Variants in PRB2 observed in about 807,000 individuals in gnomAD.
PRB2 encodes the protein basic salivary proline-rich protein 2.
PRB2 carries 12 observed loss-of-function variants against 8.3 expected under a neutral mutation model. The ratio of observed to expected loss-of-function variants is 1.45; its 90% CI spans 0.93 to 2.35. The LOEUF is 2.35. Among genes scored for constraint, PRB2 ranks in the 30% most tolerant of loss-of-function variants. The pLI is 0.00. For missense variants in PRB2, 470 were observed against 507.0 expected, an observed-to-expected ratio of 0.93 and a Z score of 0.70; for synonymous variants, 146 against 180.0, an observed-to-expected ratio of 0.81 and a Z score of 1.51.
chr12:11,392,059 A>G (rs1470886483), intron 3 of PRB2, among the ~76,000 whole-genome samples: 10 of 62,930 alleles, frequency 1.6e-4, no homozygotes, highest in Non-Finnish European at 2.7e-4. Flanking sequence ...AAACAAACAG[A>G]TAACCACTGA....
At chr12:11,394,040 T>G (rs1864368198) in intron 2 of PRB2, 63 bp from the exon 3 acceptor site, 1 of 1,603,258 alleles carries the variant, frequency 6.2e-7, no homozygotes, top group Admixed American at 1.7e-5. Flanking sequence ...CCTGAATAGT[T>G]GCAGTAAATT....
intron 1 of PRB2, among the ~76,000 whole-genome samples, chr12:11,394,920 C>A (rs1295156011): frequency 2.0e-5 from 3 of 152,064 alleles, no homozygotes; most frequent in African/African-American, 7.3e-5. Context: ...CATTTCAATA[C>A]AATCTTACCC....
chr12:11,394,473 T>A, intron 2 of PRB2, 22 bp downstream of exon 2: 3 of 1,610,830 alleles, frequency 1.9e-6, no homozygotes, highest in Non-Finnish European at 2.5e-6. Flanking sequence ...TCAGAACAGA[T>A]TGAGAATGAA....
At chr12:11,395,285 G>C (rs1864391730) in intron 1 of PRB2, among the ~76,000 whole-genome samples, 181 bp downstream of exon 1, 1 of 152,032 alleles carries the variant, frequency 6.6e-6, no homozygotes, top group Non-Finnish European at 1.5e-5. Context: ...GGATTTCATT[G>C]TACATTAAAT....
Position 11,393,139 on chromosome 12 carries a change from G to A in PRB2, c.939C>T (p.Asn313=), listed in dbSNP as rs779009666. 4.4e-6 allele frequency: 7 copies of A among 1,594,928 alleles called. No individual in the cohort carries two copies. The East Asian group carries it at 1.6e-4, about 36-fold the overall frequency. The change falls in exon 3 of 4, where the codon AAC becomes AAT. Residue 313 remains asparagine, a synonymous_variant. Coordinates refer to ENST00000389362, the MANE Select transcript of PRB2 (RefSeq NM_006248.4). ...GAGGAGGTGGGGGACCTTGAGGCTG[G>A]TTGCCTCCTTGTGGGGGTGGTCCTT... The part of the protein sequence containing the change: ...KPQGPPPQGG[N]QPQGPPPPPG...
At position 11,393,714 on chromosome 12, in the gene PRB2, G is replaced by T; in HGVS notation, c.364C>A (p.Pro122Thr). 1 of 1,600,416 alleles carries T rather than the reference G, an allele frequency of 6.2e-7. No individual in the cohort carries two copies. The highest frequency in any genetic ancestry group is 8.5e-7 in the Non-Finnish European group (1 of 1,173,274). The change falls in exon 3 of 4, where the codon CCC becomes ACC. Residue 122 changes from proline (P) to threonine (T), a missense_variant. Pro to Thr is a conservative substitution (Grantham distance 38). Around this residue, in one of 4 missense-constraint regions of PRB2, gnomAD observed 211 missense variants for 207.7 expected, o/e 1.02. Transcript: ENST00000389362. ...TGAGGCTGGTTGCCTCCTTGTGGGG[G>T]TGGTCCTTGTGGCTTTCCTGGAGGA... ...RSPPGKPQGP[P>T]PQGGNQPQGP...
Position 11,392,990 on chromosome 12 carries a change from G to A in PRB2, c.1088C>T (p.Pro363Leu). 6.2e-7 allele frequency: 1 copy of A among 1,612,904 alleles called. No individual in the cohort carries two copies. The highest frequency in any genetic ancestry group is 8.5e-7 in the Non-Finnish European group (1 of 1,179,700). ...GSKSRSARSP[P>L]GKPQGPPQQE... is the part of the protein sequence containing the mutation. ...TTGGGGTGGTCCTTGTGGCTTTCCT[G>A]GAGGAGATCGGGCACTTCGGGACTT... is the stretch of plus-strand genomic sequence containing the variant. Residue 363 changes from proline (P) to leucine (L), a missense_variant, in exon 3 of 4, where the codon CCA (proline) becomes CTA (leucine). Physicochemically the swap from Pro to Leu is moderately conservative, Grantham distance 98 (BLOSUM62 -3). Coordinates refer to ENST00000389362, the MANE Select transcript of PRB2 (RefSeq NM_006248.4).
chr12:11,393,051 C>T lies in PRB2; in HGVS notation c.1027G>A (p.Gly343Arg), dbSNP rs1026460169. ...TGTGGGGGTGGTCCTTGTGGCTTTC[C>T]TGGAGGTGGGGGACCTTGAGGTTTG... ...GNKPQGPPPP[G>R]KPQGPPPQGG... is the part of the protein sequence containing the mutation. The change falls in exon 3 of 4, where the codon GGA (glycine) becomes AGA (arginine). Residue 343 changes from glycine to arginine, a missense_variant. By Grantham distance (125) the Gly-to-Arg change is moderately radical. Coordinates refer to ENST00000389362, the MANE Select transcript of PRB2 (RefSeq NM_006248.4). 2.1e-5 allele frequency: 33 copies of T among 1,591,334 alleles called. No homozygotes were observed. The highest frequency in any genetic ancestry group is 2.8e-5 in the Non-Finnish European group (33 of 1,173,164).
In PRB2 at chr12:11,391,917, A is replaced by G. The variant is rs950457633; in HGVS notation, c.*34-269T>C. Among the ~76,000 whole-genome samples the G allele has an allele frequency of 4.2e-5, 5 of 120,050 alleles. 1 individual carries two copies. Among genetic ancestry groups the G allele is most frequent in the African/African-American group, 1.8e-4 (5 of 28,450 alleles). 78.8% of individuals were successfully genotyped at this position (120,050 alleles called of 152,430 possible). ...CTTGCTGCTGAATTTGTTCACAGATATATTTACACAGATGGGAACTGGAAC... is the reference window on the plus strand; with the variant it reads ...CTTGCTGCTGAATTTGTTCACAGATGTATTTACACAGATGGGAACTGGAAC... On this transcript the variant is annotated intron_variant, in intron 3 of 3. Transcript: ENST00000389362.
At chr12:11,394,441 AT>A in intron 2 of PRB2, 53 bp downstream of exon 2, 1 of 1,582,662 alleles carries the variant, frequency 6.3e-7, no homozygotes, top group Non-Finnish European at 8.7e-7. Flanking sequence ...GAACTGATCC[AT>A]TCATAAGCAG....
At chr12:11,394,078 G>C in intron 2 of PRB2, 101 bp from the exon 3 acceptor site, 1 of 1,468,420 alleles carries the variant, frequency 6.8e-7, no homozygotes, top group Non-Finnish European at 9.5e-7. Context: ...CAAGCTGAGT[G>C]GGGAAACACA....
chr12:11,394,531 C>T lies in PRB2; in HGVS notation c.65-1G>A. 1 of 1,613,302 alleles carries T rather than the reference C, an allele frequency of 6.2e-7. No individual in the cohort carries two copies. Among genetic ancestry groups the T allele is most frequent in the Non-Finnish European group, 8.5e-7 (1 of 1,179,268 alleles). ...GAGGGAGATTCTTCCTGGCTGACATCTAGAAGAGAAGCACAGGATGATGGG... is the reference window on the plus strand; with the variant it reads ...GAGGGAGATTCTTCCTGGCTGACATTTAGAAGAGAAGCACAGGATGATGGG... On this transcript the variant is annotated splice_acceptor_variant, in intron 1 of 3. Coordinates refer to ENST00000389362, the MANE Select transcript of PRB2 (RefSeq NM_006248.4). LOFTEE classifies it high-confidence loss of function.
chr12:11,395,034 C>T (rs532283472), intron 1 of PRB2, among the ~76,000 whole-genome samples: 57 of 152,046 alleles, frequency 3.7e-4, no homozygotes, highest in African/African-American at 1.1e-3. Flanking sequence ...ACAAGTGTTC[C>T]ATCCAATTCT....
Position 11,393,897 on chromosome 12 carries a change from G to A in PRB2, c.181C>T (p.Pro61Ser), listed in dbSNP as rs1467623006. The change falls in exon 3 of 4, where the codon CCC (proline) becomes TCC (serine). Residue 61 changes from proline (P) to serine (S), a missense_variant. Coordinates refer to ENST00000389362, the MANE Select transcript of PRB2 (RefSeq NM_006248.4). The part of the protein sequence containing the change: ...PSPPGKPQGP[P>S]PQGGNQPQGP... ...TGAGGCTGGTTGCCTCCTTGTGGGG[G>A]TGGTCCTTGTGGCTTTCCTGGAGGA... The A allele has an allele frequency of 8.0e-6, 12 of 1,496,484 alleles. No homozygotes were observed. Among genetic ancestry groups the A allele is most frequent in the Non-Finnish European group, 1.1e-5 (12 of 1,110,066 alleles). 92.7% of individuals were successfully genotyped at this position (1,496,484 alleles called of 1,614,324 possible).
Position 11,395,458 on chromosome 12 carries a change from T to G in PRB2, c.64+8A>C. 6.2e-7 allele frequency: 1 copy of G among 1,613,946 alleles called. No individual in the cohort carries two copies. Among genetic ancestry groups the G allele is most frequent in the Non-Finnish European group, 8.5e-7 (1 of 1,179,854 alleles). On this transcript the variant is annotated splice_region_variant and intron_variant, in intron 1 of 3. Coordinates refer to ENST00000389362, the MANE Select transcript of PRB2 (RefSeq NM_006248.4). Reference sequence around the variant, plus strand: ...GAGTCACCACATCTTCTCCCCCTTCTGTTTTACCTTCATTTAAGTTCTGAG... The same window carrying G: ...GAGTCACCACATCTTCTCCCCCTTCGGTTTTACCTTCATTTAAGTTCTGAG...
rs1199578083 is a variant in PRB2 at position 11,393,986 on chromosome 12, C to T, written c.101-9G>A. The T allele has an allele frequency of 2.2e-5, 35 of 1,613,552 alleles. No individual in the cohort carries two copies. Among genetic ancestry groups the T allele is most frequent in the Non-Finnish European group, 2.8e-5 (33 of 1,179,810 alleles). On this transcript the variant is annotated splice_polypyrimidine_tract_variant and intron_variant, in intron 2 of 3. Transcript: ENST00000389362. The stretch of plus-strand genomic sequence containing the variant: ...TGCTCCTTGTGGATTTCCTGGAGAA[C>T]AAAGAGAGAAGAGAAAGACAGAGTA...
At position 11,395,451 on chromosome 12, in the gene PRB2, C is replaced by T; in HGVS notation, c.64+15G>A. 3 of 1,613,936 alleles carry T rather than the reference C, an allele frequency of 1.9e-6. No individual in the cohort carries two copies. The highest frequency in any genetic ancestry group is 1.7e-5 in the Admixed American group (1 of 60,018). ...CCAAGCAGAGTCACCACATCTTCTC[C>T]CCCTTCTGTTTTACCTTCATTTAAG... On this transcript the variant is annotated intron_variant, in intron 1 of 3. Transcript: ENST00000389362.
intron 2 of PRB2, among the ~76,000 whole-genome samples, chr12:11,394,196 G>A (rs1030927609): frequency 6.6e-6 from 1 of 152,160 alleles, no homozygotes; most frequent in African/African-American, 2.4e-5. Context: ...TCATTATAAA[G>A]AGGAGACAGA....
In PRB2 at chr12:11,394,495, C is replaced by T; in HGVS notation, c.100G>A (p.Gly34Arg). 1 of 1,613,184 alleles carries T rather than the reference C, an allele frequency of 6.2e-7. No individual in the cohort carries two copies. Among genetic ancestry groups the T allele is most frequent in the South Asian group, 1.1e-5 (1 of 91,048 alleles). Reference protein sequence around the residue: ...SQEESPSLIAGNPQGAPPQGG... With the variant: ...SQEESPSLIARNPQGAPPQGG... The stretch of plus-strand genomic sequence containing the variant: ...AGATTGAGAATGAATCGGGATTTAC[C>T]TGCTATTAGGGAGGGAGATTCTTCC... The change falls in exon 2 of 4, where the codon GGA (glycine) becomes AGA (arginine). Residue 34 changes from glycine (G) to arginine (R), a missense_variant and splice_region_variant. Physicochemically the swap from Gly to Arg is moderately radical, Grantham distance 125 (BLOSUM62 -2). Coordinates refer to ENST00000389362, the MANE Select transcript of PRB2 (RefSeq NM_006248.4).
Sources: allele counts gnomAD v4.1 joint callset (sites outside exome capture counted in the v4.1 genomes callset), GRCh38; gene constraint gnomAD v4.1.1; regional missense constraint gnomAD v4.1.1; transcripts MANE v1.5; gene names NCBI Gene and HGNC (gene_info 2026-07-23, HGNC 2026-07-21).